MPP7: variants seen among roughly 807,000 people sequenced by gnomAD.
MPP7 encodes MAGUK p55 subfamily member 7.
MPP7 carries 60 observed loss-of-function variants against 76.5 expected under a neutral mutation model. The ratio of observed to expected loss-of-function variants is 0.78; its 90% confidence interval spans 0.64 to 0.97. The LOEUF is 0.97. Among genes scored for constraint, MPP7 ranks in the 50% least tolerant of loss-of-function variants. The probability of loss-of-function intolerance (pLI) is 0.00; values close to 1 mark genes in which losing one functional copy is unlikely to be tolerated. For synonymous variants in MPP7, 237 were observed against 244.5 expected (o/e 0.97, Z 0.29); for missense variants, 641 against 694.0 (o/e 0.92, Z 0.86).
At chr10:28,283,600 T>G (rs934086853) in intron 1 of MPP7, among the ~76,000 whole-genome samples, 1 of 152,016 alleles carries the variant, frequency 6.6e-6, no homozygotes, top group African/African-American at 2.4e-5. Context: ...CTGCAGCCTC[T>G]GCCTCCTGGG....
chr10:28,094,162 G>A (rs532385577), intron 11 of MPP7, among the ~76,000 whole-genome samples: 2 of 152,266 alleles, frequency 1.3e-5, no homozygotes, highest in South Asian at 2.1e-4. Flanking sequence ...TGTTCACATC[G>A]GTTTTTCAGT....
At chr10:28,085,919 G>C (rs768148370) in intron 12 of MPP7, among the ~76,000 whole-genome samples, 77 of 152,324 alleles carry the variant, frequency 5.1e-4, no homozygotes, top group South Asian at 1.7e-3. Flanking sequence ...ACTGGATAAA[G>C]ACAATGTGGC....
chr10:28,279,608 G>A (rs1035966150), intron 1 of MPP7, among the ~76,000 whole-genome samples: 9 of 151,900 alleles, frequency 5.9e-5, no homozygotes, highest in Middle Eastern at 3.4e-3. Flanking sequence ...AGGAGGCCGA[G>A]GCAGTAGAAT....
intron 5 of MPP7, 101 bp from the exon 6 acceptor site, chr10:28,131,792 C>A: frequency 1.9e-6 from 1 of 530,542 alleles, no homozygotes; most frequent in Non-Finnish European, 2.5e-6. Flanking sequence ...TAAGGAAAAT[C>A]AAAACAGTGT....
rs1834774939 is a variant in MPP7 at position 28,119,858 on chromosome 10, A to C, written c.888-143T>G. On this transcript the variant is annotated intron_variant, in intron 10 of 16. Transcript: ENST00000683449. ...ATGCAATAGATTCAAATTAAGAAAC[A>C]AATCGCCCACTTTCAAATTTTTGTA... 1.1e-5 allele frequency: 7 copies of C among 641,592 alleles called. No individual in the cohort carries two copies. The South Asian group carries it at 1.3e-4, about 12-fold the overall frequency. The allele number at this position is 641,592 out of a possible 1,614,324, so 39.7% of individuals were successfully genotyped here.
intron 1 of MPP7, among the ~76,000 whole-genome samples, chr10:28,284,136 G>A (rs1840743259): frequency 6.6e-6 from 1 of 151,770 alleles, no homozygotes; most frequent in African/African-American, 2.4e-5. Flanking sequence ...ATTAATAGTT[G>A]GTATGAACAC....
chr10:28,211,470 G>A (rs1156424541), intron 2 of MPP7, among the ~76,000 whole-genome samples: 1 of 151,880 alleles, frequency 6.6e-6, no homozygotes, highest in African/African-American at 2.4e-5. Context: ...TATAGAGAGA[G>A]AGAGAGAATT....
At chr10:28,204,427 A>C (rs530266604) in intron 2 of MPP7, among the ~76,000 whole-genome samples, 55 of 136,072 alleles carry the variant, frequency 4.0e-4, no homozygotes, top group African/African-American at 1.4e-3. Context: ...TGGGCAACAG[A>C]GTGAAACTCC....
chr10:28,202,114 T>G (rs1223881883), intron 3 of MPP7, 39 bp downstream of exon 3: 1 of 1,416,902 alleles, frequency 7.1e-7, no homozygotes, highest in African/African-American at 1.4e-5. Context: ...TTTTTCCATA[T>G]GCTTTTCGCA....
At chr10:28,054,721 G>A (rs1851490119) in intron 16 of MPP7, among the ~76,000 whole-genome samples, 2 of 152,164 alleles carry the variant, frequency 1.3e-5, no homozygotes, top group African/African-American at 4.8e-5. Context: ...CTGTCACCCA[G>A]GTTGGGGTGC....
intron 7 of MPP7, among the ~76,000 whole-genome samples, chr10:28,124,532 G>C (rs1053213998): frequency 1.6e-5 from 2 of 124,672 alleles, no homozygotes; most frequent in Non-Finnish European, 3.1e-5. Context: ...CTGGAGTGCA[G>C]TGGCACAATC....
chr10:28,169,828 G>C (rs930633244), intron 3 of MPP7, among the ~76,000 whole-genome samples: 1 of 152,126 alleles, frequency 6.6e-6, no homozygotes, highest in African/African-American at 2.4e-5. Flanking sequence ...CTAGTATGTA[G>C]ATTCCCGTTG....
chr10:28,058,423 C>A (rs553490358), intron 15 of MPP7, 72 bp downstream of exon 15: 121 of 725,974 alleles, frequency 1.7e-4, no homozygotes, highest in African/African-American at 1.3e-3. Context: ...TTATTTCATA[C>A]TGAAATGCTC....
chr10:28,079,808 G>C (rs1194596319), intron 12 of MPP7, among the ~76,000 whole-genome samples: 5 of 152,086 alleles, frequency 3.3e-5, no homozygotes, highest in Non-Finnish European at 5.9e-5. Flanking sequence ...TCAATGAAAT[G>C]TGGCACATGT....
intron 6 of MPP7, among the ~76,000 whole-genome samples, chr10:28,128,740 A>C (rs1835097841): frequency 6.6e-6 from 1 of 152,218 alleles, no homozygotes; most frequent in African/African-American, 2.4e-5. Context: ...GTGAAAATTG[A>C]GATGTCTATT....
intron 2 of MPP7, among the ~76,000 whole-genome samples, chr10:28,315,221 A>G (rs945207695): frequency 7.2e-6 from 1 of 138,272 alleles, no homozygotes; most frequent in Admixed American, 7.5e-5. Context: ...GGAAGGAAGG[A>G]AGGGAGGGAG....
At position 28,124,047 on chromosome 10, in the gene MPP7, T is replaced by G. The variant is rs1834928881; in HGVS notation, c.599A>C (p.Glu200Ala). 1 of 1,608,758 alleles carries G rather than the reference T, an allele frequency of 6.2e-7. No individual in the cohort carries two copies. Among genetic ancestry groups the G allele is most frequent in the East Asian group, 2.2e-5 (1 of 44,826 alleles). Residue 200 changes from glutamate (E) to alanine (A), a missense_variant, in exon 8 of 17, where the codon GAA (glutamate) becomes GCA (alanine). By Grantham distance (107) the Glu-to-Ala change is moderately radical. Coordinates refer to ENST00000683449, the MANE Select transcript of MPP7 (RefSeq NM_001318170.2). ...ACAGCTTACCAAAATCTGTATTATTTCCTCAGGCCTTTTATCCTCCACTGG... is the reference window on the plus strand; with the variant it reads ...ACAGCTTACCAAAATCTGTATTATTGCCTCAGGCCTTTTATCCTCCACTGG... ...GIPVEDKRPE[E>A]IIQILAQSQG...
At chr10:28,117,094 T>C (rs1834685629) in intron 11 of MPP7, among the ~76,000 whole-genome samples, 1 of 152,030 alleles carries the variant, frequency 6.6e-6, no homozygotes, top group Non-Finnish European at 1.5e-5. Context: ...TCCATGAACT[T>C]TTCCCCCATG....
At chr10:28,298,001 C>A (rs1048762703) in intron 1 of MPP7, among the ~76,000 whole-genome samples, 8 of 152,200 alleles carry the variant, frequency 5.3e-5, no homozygotes, top group Non-Finnish European at 1.2e-4. Flanking sequence ...TGCAGCAATT[C>A]AGTCATATTT....
Sources: allele counts gnomAD v4.1 joint callset (sites outside exome capture counted in the v4.1 genomes callset), GRCh38; gene constraint gnomAD v4.1.1; transcripts MANE v1.5; gene names NCBI Gene and HGNC (gene_info 2026-07-23, HGNC 2026-07-21).